The following ZNF860 variants were observed in gnomAD, a reference collection of about 807,000 sequenced individuals.
The protein encoded by ZNF860 is zinc finger protein 860.
For synonymous variants in ZNF860, 206 were observed against 248.9 expected, an observed-to-expected ratio of 0.83 and a Z score of 1.62; for missense variants, 641 against 759.2, an observed-to-expected ratio of 0.84 and a Z score of 1.83.
rs746416870 is a variant in ZNF860 at position 31,989,113 on chromosome 3, G to T, written c.34G>T (p.Glu12Ter). Reference protein sequence around the residue: ...LREEAAQKRKEKEPGMALPQG... With the variant: ...LREEAAQKRK ...TGAGGAAGCAGCTCAGAAGAGGAAA[G>T]AAAAGGAGCCAGGCATGGCTCTTCC... The change falls in exon 2 of 2, where the codon GAA becomes TAA. Residue 12 changes from glutamate (E) to a stop codon, truncating the protein, a stop_gained. Transcript: ENST00000360311. LOFTEE classifies it low-confidence loss of function (END_TRUNC). 7.4e-6 allele frequency: 12 copies of T among 1,614,098 alleles called. No individual in the cohort carries two copies. Among genetic ancestry groups the T allele is most frequent in the Non-Finnish European group, 1.0e-5 (12 of 1,179,974 alleles).
chr3:32,003,421 C>T, the ZNF860 span, among the ~76,000 whole-genome samples: 1 of 152,164 alleles, frequency 6.6e-6, no homozygotes, highest in East Asian at 1.9e-4. Flanking sequence ...GAAAGTGGAG[C>T]CATTTGTAGA....
At chr3:32,002,711 G>A in the ZNF860 span, among the ~76,000 whole-genome samples, 10 of 152,216 alleles carry the variant, frequency 6.6e-5, no homozygotes, top group African/African-American at 2.4e-4. Flanking sequence ...GAGAAAAAAG[G>A]TTTCTCAGTG....
At chr3:32,003,431 A>G in the ZNF860 span, among the ~76,000 whole-genome samples, 1 of 152,192 alleles carries the variant, frequency 6.6e-6, no homozygotes, top group Admixed American at 6.5e-5. Context: ...CCATTTGTAG[A>G]CTTGCCCTGA....
the ZNF860 span, among the ~76,000 whole-genome samples, chr3:31,999,407 C>G: frequency 1.3e-4 from 18 of 141,212 alleles, no homozygotes; most frequent in African/African-American, 4.6e-4. Flanking sequence ...GTTGCCCAGG[C>G]TGGAGTACAA....
chr3:31,999,610 C>T, the ZNF860 span, among the ~76,000 whole-genome samples: 6,547 of 152,112 alleles, frequency 0.043, 279 homozygotes, highest in African/African-American at 0.12. Context: ...ATCTGCCTGC[C>T]TTGGCCTCCC....
At chr3:31,986,977 A>G (rs542883447) in intron 1 of ZNF860, among the ~76,000 whole-genome samples, 1 of 152,328 alleles carries the variant, frequency 6.6e-6, no homozygotes, top group South Asian at 2.1e-4. Flanking sequence ...ACTGTACTCC[A>G]GCCTGAGTGA....
intron 1 of ZNF860, among the ~76,000 whole-genome samples, chr3:31,984,720 T>A (rs1047437956): frequency 6.6e-6 from 1 of 152,200 alleles, no homozygotes; most frequent in Non-Finnish European, 1.5e-5. Flanking sequence ...TCATTAGTTT[T>A]ACAAAGGTAG....
chr3:31,987,782 G>A (rs1446225441), intron 1 of ZNF860, among the ~76,000 whole-genome samples: 2 of 152,178 alleles, frequency 1.3e-5, no homozygotes, highest in East Asian at 3.9e-4. Flanking sequence ...CTAGAAGACT[G>A]GGACATTTAT....
chr3:32,003,455 G>A, the ZNF860 span, among the ~76,000 whole-genome samples: 1 of 152,172 alleles, frequency 6.6e-6, no homozygotes, highest in Non-Finnish European at 1.5e-5. Context: ...ATCCCATCCT[G>A]TTTCCTGAGG....
At chr3:31,992,568 G>T (rs138157341), downstream of ZNF860, among the ~76,000 whole-genome samples, 7 of 152,250 alleles carry the variant, frequency 4.6e-5, no homozygotes, top group South Asian at 2.1e-4. Flanking sequence ...TCCAATCTCT[G>T]GTTCTGTCAT....
chr3:31,994,790 T>C (rs150786672), downstream of ZNF860, among the ~76,000 whole-genome samples: 345 of 152,306 alleles, frequency 2.3e-3, no homozygotes, highest in African/African-American at 7.7e-3. Context: ...TGAAAGGCCA[T>C]AAAACAAATA....
At position 31,989,287 on chromosome 3, in the gene ZNF860, A is replaced by G. The variant is rs1698988494; in HGVS notation, c.208A>G (p.Met70Val). 5.0e-6 allele frequency: 8 copies of G among 1,614,122 alleles called. No individual in the cohort carries two copies. The highest frequency in any genetic ancestry group is 6.8e-6 in the Non-Finnish European group (8 of 1,180,054). The change falls in exon 2 of 2, where the codon ATG becomes GTG. Residue 70 changes from methionine (M) to valine (V), a missense_variant. Physicochemically the swap from Met to Val is conservative, Grantham distance 21 (BLOSUM62 1). Coordinates refer to ENST00000360311, the MANE Select transcript of ZNF860 (RefSeq NM_001137674.3). ...TTCTGTGGATATCTCTTCCAAATGC[A>G]TGATGAAGAAGTTCTCATCAACAGC... The part of the protein sequence containing the change: ...LHSVDISSKC[M>V]MKKFSSTAQG...
At chr3:31,998,154 CT>C in the ZNF860 span, among the ~76,000 whole-genome samples, 1 of 152,056 alleles carries the variant, frequency 6.6e-6, no homozygotes, top group Admixed American at 6.6e-5. Context: ...TTGTCAGGCT[CT>C]AATAAGGCAT....
chr3:31,983,890 C>A (rs754001901), intron 1 of ZNF860, among the ~76,000 whole-genome samples: 5 of 152,192 alleles, frequency 3.3e-5, no homozygotes, highest in African/African-American at 7.2e-5. Context: ...TTTCATCTTG[C>A]TTGTTACCCG....
the ZNF860 span, among the ~76,000 whole-genome samples, chr3:32,006,227 T>G: frequency 1.3e-5 from 2 of 152,236 alleles, no homozygotes; most frequent in Non-Finnish European, 2.9e-5. Context: ...ATTACAGGCG[T>G]GAGCCACCGC....
At chr3:31,984,542 G>C (rs1390164127) in intron 1 of ZNF860, among the ~76,000 whole-genome samples, 2 of 151,958 alleles carry the variant, frequency 1.3e-5, no homozygotes, top group Non-Finnish European at 2.9e-5. Flanking sequence ...CAGAATGCAG[G>C]GTATGAAAAA....
chr3:32,000,239 C>T, the ZNF860 span, among the ~76,000 whole-genome samples: 4 of 152,192 alleles, frequency 2.6e-5, no homozygotes, highest in East Asian at 5.8e-4. Context: ...GTCATGCTGA[C>T]GTGACAGAAT....
At chr3:31,992,081 G>T (rs565259041), downstream of ZNF860, among the ~76,000 whole-genome samples, 1 of 151,478 alleles carries the variant, frequency 6.6e-6, no homozygotes, top group Admixed American at 6.6e-5. Flanking sequence ...GGGAGGCAGA[G>T]GTCGCAGTGA....
chr3:31,990,357 C>G lies in ZNF860; in HGVS notation c.1278C>G (p.Tyr426Ter). The change falls in exon 2 of 2, where the codon TAC becomes TAG. Residue 426 changes from tyrosine to a stop codon, truncating the protein, a stop_gained. Coordinates refer to ENST00000360311, the MANE Select transcript of ZNF860 (RefSeq NM_001137674.3). LOFTEE classifies it low-confidence loss of function (END_TRUNC). ...HWRIHNEERSYKCNKCGKFFR... is the reference protein window; with the variant it reads ...HWRIHNEERS Reference sequence around the variant, plus strand: ...GAATCCATAATGAAGAGAGATCTTACAAGTGTAATAAATGTGGCAAATTTT... The same window carrying G: ...GAATCCATAATGAAGAGAGATCTTAGAAGTGTAATAAATGTGGCAAATTTT... 1.2e-6 allele frequency: 2 copies of G among 1,614,064 alleles called. No homozygotes were observed. Among genetic ancestry groups the G allele is most frequent in the African/African-American group, 1.3e-5 (1 of 75,026 alleles).
Sources: allele counts gnomAD v4.1 joint callset (sites outside exome capture counted in the v4.1 genomes callset), GRCh38; gene constraint gnomAD v4.1.1; transcripts MANE v1.5; gene names NCBI Gene and HGNC (gene_info 2026-07-23, HGNC 2026-07-21).